The following KMT2C variants were observed in gnomAD, a reference collection of about 807,000 sequenced individuals.
KMT2C encodes lysine methyltransferase 2C, also known as histone-lysine N-methyltransferase 2C.
A neutral mutation model predicts 507.9 loss-of-function variants in KMT2C; 88 were observed. The observed-to-expected ratio is 0.17, with a 90% CI of 0.15 to 0.21. The LOEUF is 0.21. Among genes scored for constraint, KMT2C ranks in the 10% least tolerant of loss-of-function variants. The pLI, the probability that KMT2C is intolerant of heterozygous loss-of-function variation, is 1.00. For missense variants in KMT2C, 4,954 were observed against 5,957.8 expected (o/e 0.83, Z 5.55); for synonymous variants, 2,049 against 2,080.8 (o/e 0.98, Z 0.42).
intron 2 of KMT2C, among the ~76,000 whole-genome samples, chr7:152,351,067 C>T (rs186117156): frequency 1.3e-5 from 2 of 152,240 alleles, no homozygotes; most frequent in East Asian, 1.9e-4. Flanking sequence ...AGGTCTTCAG[C>T]GACAATAACA....
At chr7:152,316,183 C>A (rs1262135970) in intron 3 of KMT2C, among the ~76,000 whole-genome samples, 1 of 151,960 alleles carries the variant, frequency 6.6e-6, no homozygotes, top group Non-Finnish European at 1.5e-5. Context: ...TGATTAGGAG[C>A]AAAGGGGATT....
chr7:152,295,606 C>A (rs971446302), intron 6 of KMT2C, among the ~76,000 whole-genome samples: 4 of 152,180 alleles, frequency 2.6e-5, no homozygotes, highest in South Asian at 4.1e-4. Flanking sequence ...CTGTTTATTG[C>A]CTATAAAATA....
intron 25 of KMT2C, 77 bp from the exon 26 acceptor site, chr7:152,203,141 TTACCAACA>T: frequency 2.6e-6 from 3 of 1,152,210 alleles, no homozygotes; most frequent in Non-Finnish European, 3.7e-6. Flanking sequence ...ATTTTATACC[TTACCAACA>T]TACACACAGT....
chr7:152,156,872 T>TA (rs1276944738), intron 44 of KMT2C, among the ~76,000 whole-genome samples: 1 of 152,106 alleles, frequency 6.6e-6, no homozygotes, highest in Non-Finnish European at 1.5e-5. Context: ...CTAAAGTAAC[T>TA]AAATCATTAA....
At chr7:152,409,455 C>G (rs78119047) in intron 1 of KMT2C, among the ~76,000 whole-genome samples, 1 of 112,590 alleles carries the variant, frequency 8.9e-6, no homozygotes, top group African/African-American at 3.3e-5. Context: ...CAGTGGCTCA[C>G]GCCTGTAATC....
At chr7:152,257,616 TAGA>T (rs2095682516) in intron 9 of KMT2C, among the ~76,000 whole-genome samples, 1 of 152,270 alleles carries the variant, frequency 6.6e-6, no homozygotes, top group African/African-American at 2.4e-5. Flanking sequence ...ATTTTTATTG[TAGA>T]AGAACAGACA....
intron 3 of KMT2C, among the ~76,000 whole-genome samples, chr7:152,316,906 G>C (rs1255884444): frequency 6.6e-6 from 1 of 151,502 alleles, no homozygotes; most frequent in Non-Finnish European, 1.5e-5. Context: ...TGCTTTGCCA[G>C]TATCTTACTA....
intron 23 of KMT2C, among the ~76,000 whole-genome samples, chr7:152,214,860 T>C (rs2094535055): frequency 6.6e-6 from 1 of 151,988 alleles, no homozygotes; most frequent in Non-Finnish European, 1.5e-5. Context: ...TGCAGTTAGG[T>C]AAGACGAGTA....
At chr7:152,271,500 T>C (rs559913475) in intron 7 of KMT2C, among the ~76,000 whole-genome samples, 20 of 151,792 alleles carry the variant, frequency 1.3e-4, no homozygotes, top group South Asian at 1.3e-3. Flanking sequence ...AGTGAAACCC[T>C]GTCTCTACTA....
chr7:152,306,265 C>T (rs2096615065), intron 6 of KMT2C, among the ~76,000 whole-genome samples: 1 of 152,120 alleles, frequency 6.6e-6, no homozygotes, highest in Admixed American at 6.5e-5. Flanking sequence ...CTTATTTGGT[C>T]TCCCACATCC....
At chr7:152,308,224 T>C (rs950686128) in intron 6 of KMT2C, among the ~76,000 whole-genome samples, 4 of 152,232 alleles carry the variant, frequency 2.6e-5, no homozygotes, top group Admixed American at 1.3e-4. Context: ...GTTCTAATGA[T>C]TGAATTTTTA....
chr7:152,265,765 C>T (rs1297217400), intron 7 of KMT2C, among the ~76,000 whole-genome samples: 2 of 151,758 alleles, frequency 1.3e-5, no homozygotes, highest in Non-Finnish European at 2.9e-5. Flanking sequence ...TGTGGAAGAA[C>T]ATTAAAGACA....
intron 3 of KMT2C, among the ~76,000 whole-genome samples, chr7:152,330,005 A>G (rs1339367454): frequency 2.0e-5 from 3 of 151,448 alleles, no homozygotes; most frequent in Non-Finnish European, 4.4e-5. Flanking sequence ...TTAGCTGGGC[A>G]TGGTGGTGCA....
chr7:152,375,295 G>GCCTC (rs1371434566), intron 1 of KMT2C, among the ~76,000 whole-genome samples: 1 of 151,700 alleles, frequency 6.6e-6, no homozygotes, highest in Non-Finnish European at 1.5e-5. Context: ...GCCCACCTCG[G>GCCTC]CCTCCCAAAG....
chr7:152,146,217 G>C lies in KMT2C; in HGVS notation c.14031+382C>G, dbSNP rs1057392095. Among the ~76,000 whole-genome samples, 11 of 152,270 alleles carry C rather than the reference G, an allele frequency of 7.2e-5. No homozygotes were observed. The South Asian group carries it at 2.1e-3, about 29-fold the overall frequency. ...TTCATCCTAGGAAGAGGGCAGGAGAGTGGCCATAAATACCCAAGTGTCAGG... is the reference window on the plus strand; with the variant it reads ...TTCATCCTAGGAAGAGGGCAGGAGACTGGCCATAAATACCCAAGTGTCAGG... On this transcript the variant is annotated intron_variant, in intron 53 of 58. Coordinates refer to ENST00000262189, the MANE Select transcript of KMT2C (RefSeq NM_170606.3).
At chr7:152,183,303 C>G in intron 34 of KMT2C, 147 bp from the exon 35 acceptor site, 1 of 608,176 alleles carries the variant, frequency 1.6e-6, no homozygotes, top group Non-Finnish European at 2.8e-6. Context: ...AAAAAAGGAT[C>G]TGGACACTAA....
At position 152,220,542 on chromosome 7, in the gene KMT2C, A is replaced by C. The variant is rs138143957; in HGVS notation, c.3693T>G (p.Gly1231=). 4.3e-6 allele frequency: 7 copies of C among 1,609,580 alleles called. No individual in the cohort carries two copies. Among genetic ancestry groups the C allele is most frequent in the Non-Finnish European group, 5.9e-6 (7 of 1,177,594 alleles). Residue 1231 remains glycine (G), a synonymous_variant, in exon 23 of 59, where the codon GGT becomes GGG. Coordinates refer to ENST00000262189, the MANE Select transcript of KMT2C (RefSeq NM_170606.3). ...TATTACCTCGACTATCATCCATTTC[A>C]CCATCCCTTGAATGCTCTGATTGGA... The part of the protein sequence containing the change: ...PDIQSEHSRD[G]EMDDSREGEL...
intron 1 of KMT2C, among the ~76,000 whole-genome samples, chr7:152,364,329 C>T (rs1281890434): frequency 3.9e-5 from 6 of 152,092 alleles, no homozygotes; most frequent in African/African-American, 1.4e-4. Context: ...AATTTCAGGC[C>T]GGGTGTGGTG....
chr7:152,431,967 T>C (rs2097866262), intron 1 of KMT2C, among the ~76,000 whole-genome samples: 1 of 152,194 alleles, frequency 6.6e-6, no homozygotes, highest in Non-Finnish European at 1.5e-5. Context: ...AGGAGAAATT[T>C]TGTTGGGGGA....
Sources: allele counts gnomAD v4.1 joint callset (sites outside exome capture counted in the v4.1 genomes callset), GRCh38; gene constraint gnomAD v4.1.1; transcripts MANE v1.5; gene names NCBI Gene and HGNC (gene_info 2026-07-23, HGNC 2026-07-21).